KIFAP3: variants seen among roughly 807,000 people sequenced by gnomAD.
KIFAP3 encodes the protein kinesin-associated protein 3.
In KIFAP3, 68 loss-of-function variants were observed where a neutral mutation model predicts 106.5. That is an observed-to-expected ratio of 0.64 (90% CI 0.53 to 0.78). The LOEUF (loss-of-function observed/expected upper bound fraction) is 0.78. Among genes scored for constraint, KIFAP3 ranks in the 30% least tolerant of loss-of-function variants. KIFAP3 has a pLI of 0.00. For synonymous variants in KIFAP3, 320 were observed against 311.5 expected, an observed-to-expected ratio of 1.03 and a Z score of -0.29; for missense variants, 780 against 941.8, an observed-to-expected ratio of 0.83 and a Z score of 2.25.
chr1:170,062,310 G>GCCAC (rs1382065672), intron 1 of KIFAP3, among the ~76,000 whole-genome samples: 1 of 146,712 alleles, frequency 6.8e-6, no homozygotes, highest in East Asian at 2.0e-4. Context: ...TGCCACTGTT[G>GCCAC]CTTAACACCT....
rs1267398461 is a variant in KIFAP3, at chr1:169,992,229, T to C, written c.1210A>G (p.Met404Val). Residue 404 changes from methionine (M) to valine (V), a missense_variant, in exon 11 of 20, where the codon ATG becomes GTG. Physicochemically the swap from Met to Val is conservative, Grantham distance 21. This residue lies in a region of KIFAP3 where 588 missense variants were observed against 678.9 expected (regional missense o/e 0.87). Transcript: ENST00000361580. The stretch of plus-strand genomic sequence containing the variant: ...ATGCTTATGTGGTAAAGAACACACA[T>C]TGCTATTTGTTTGTAGTTGTCATTG... ...LGNDNYKQIA[M>V]CVLYHISMDD... 1.9e-6 allele frequency: 3 copies of C among 1,578,430 alleles called. No individual in the cohort carries two copies. Among genetic ancestry groups the C allele is most frequent in the Admixed American group, 1.8e-5 (1 of 54,802 alleles).
intron 19 of KIFAP3, 54 bp from the exon 20 acceptor site, chr1:169,921,835 T>C: frequency 7.5e-7 from 1 of 1,326,644 alleles, no homozygotes; most frequent in Non-Finnish European, 1.1e-6. Flanking sequence ...ACATCCACAA[T>C]GCAGATTAAG....
intron 11 of KIFAP3, among the ~76,000 whole-genome samples, 195 bp downstream of exon 11, chr1:169,991,960 A>T (rs1006583172): frequency 1.3e-5 from 2 of 152,044 alleles, no homozygotes; most frequent in African/African-American, 4.8e-5. Flanking sequence ...TTAAATAGTT[A>T]TCTCTAAGTT....
chr1:170,004,909 A>C (rs918515777), intron 10 of KIFAP3, among the ~76,000 whole-genome samples: 1 of 151,908 alleles, frequency 6.6e-6, no homozygotes, highest in Non-Finnish European at 1.5e-5. Context: ...CTACCATCAG[A>C]GTGAACAGGC....
intron 17 of KIFAP3, among the ~76,000 whole-genome samples, chr1:169,972,117 A>G (rs1487501614): frequency 1.3e-5 from 2 of 152,036 alleles, no homozygotes; most frequent in Non-Finnish European, 2.9e-5. Context: ...AAATAAAACT[A>G]TCAATTAAGT....
chr1:170,035,591 C>T, intron 5 of KIFAP3, 38 bp from the exon 6 acceptor site: 1 of 1,307,556 alleles, frequency 7.6e-7, no homozygotes, highest in Non-Finnish European at 1.1e-6. Flanking sequence ...GATCATTCTC[C>T]TTGCTCTGGT....
At position 169,978,181 on chromosome 1, in the gene KIFAP3, G is replaced by A; in HGVS notation, c.1801C>T (p.Gln601Ter). The A allele has an allele frequency of 1.2e-6, 2 of 1,604,160 alleles. No homozygotes were observed. Among genetic ancestry groups the A allele is most frequent in the Non-Finnish European group, 1.7e-6 (2 of 1,171,970 alleles). ...CACACAAATTCATCATCTTCTTGTT[G>A]AGCTGTAAATAAACAAAAAATTCAA... ...IPALIELLNA[Q>*]QEDDEFVCQI... Residue 601 changes from glutamine (Q) to a stop codon, truncating the protein, a stop_gained and splice_region_variant, in exon 16 of 20, where the codon CAA (glutamine) becomes TAA (stop). Coordinates refer to ENST00000361580, the MANE Select transcript of KIFAP3 (RefSeq NM_014970.4). LOFTEE classifies it high-confidence loss of function.
At chr1:170,073,477 G>C (rs1671791268) in intron 1 of KIFAP3, among the ~76,000 whole-genome samples, 1 of 152,198 alleles carries the variant, frequency 6.6e-6, no homozygotes, top group South Asian at 2.1e-4. Context: ...CACTGCAAGT[G>C]TATTATGACT....
chr1:170,021,156 A>G (rs1482494975), intron 9 of KIFAP3, among the ~76,000 whole-genome samples: 2 of 152,184 alleles, frequency 1.3e-5, no homozygotes, highest in Admixed American at 1.3e-4. Flanking sequence ...ACTACGCAAC[A>G]TATATCCTCT....
At chr1:170,041,851 G>T (rs1453054696) in intron 3 of KIFAP3, 3 of 1,418,740 alleles carry the variant, frequency 2.1e-6, no homozygotes, top group Non-Finnish European at 2.8e-6. Flanking sequence ...CTGTAAAAAG[G>T]GCCCTGTTTA....
At chr1:170,030,831 T>G (rs190980316) in intron 8 of KIFAP3, among the ~76,000 whole-genome samples, 13 of 151,842 alleles carry the variant, frequency 8.6e-5, no homozygotes, top group African/African-American at 2.9e-4. Flanking sequence ...TAAAGATGCA[T>G]GAGGAAATTT....
intron 18 of KIFAP3, among the ~76,000 whole-genome samples, chr1:169,958,397 T>G (rs932038274): frequency 2.6e-5 from 4 of 152,218 alleles, no homozygotes; most frequent in Admixed American, 6.5e-5. Flanking sequence ...CGACCTCTTT[T>G]TATTTCTTAA....
chr1:170,068,972 A>G (rs1483620206), intron 1 of KIFAP3: 1 of 152,060 alleles, frequency 6.6e-6, no homozygotes, highest in Non-Finnish European at 1.5e-5. Context: ...ACATTTTTGG[A>G]AAACTTTTAG....
intron 3 of KIFAP3, chr1:170,041,792 C>T (rs961856154): frequency 2.0e-6 from 3 of 1,523,090 alleles, no homozygotes; most frequent in African/African-American, 1.4e-5. Context: ...CTGTTGGCCT[C>T]CTTAAAGGTC....
intron 10 of KIFAP3, among the ~76,000 whole-genome samples, chr1:169,998,904 T>C (rs1667522801): frequency 6.6e-6 from 1 of 152,140 alleles, no homozygotes; most frequent in Non-Finnish European, 1.5e-5. Flanking sequence ...CTAGCAGATA[T>C]CTGGAACCTA....
intron 19 of KIFAP3, among the ~76,000 whole-genome samples, chr1:169,924,415 A>C (rs895600331): frequency 6.6e-6 from 1 of 152,250 alleles, no homozygotes; most frequent in Non-Finnish European, 1.5e-5. Flanking sequence ...ATTTGAAACC[A>C]AACTCTAAAA....
chr1:170,076,106 C>G (rs982699178), upstream of KIFAP3, among the ~76,000 whole-genome samples: 1 of 152,088 alleles, frequency 6.6e-6, no homozygotes, highest in African/African-American at 2.4e-5. Context: ...TAAGTTAGCT[C>G]CTTGAGCTCA....
At chr1:170,027,323 T>C (rs1669168743) in intron 8 of KIFAP3, among the ~76,000 whole-genome samples, 1 of 152,140 alleles carries the variant, frequency 6.6e-6, no homozygotes, top group East Asian at 1.9e-4. Context: ...CCTGACCCTG[T>C]CTTGCTTCTA....
upstream of KIFAP3, among the ~76,000 whole-genome samples, chr1:170,075,751 C>T (rs1451473764): frequency 1.3e-5 from 2 of 152,148 alleles, no homozygotes; most frequent in African/African-American, 4.8e-5. Flanking sequence ...ATTTTGACTC[C>T]TTCCTCTGTA....
Sources: allele counts gnomAD v4.1 joint callset (sites outside exome capture counted in the v4.1 genomes callset), GRCh38; gene constraint gnomAD v4.1.1; regional missense constraint gnomAD v4.1.1; transcripts MANE v1.5; gene names NCBI Gene and HGNC (gene_info 2026-07-23, HGNC 2026-07-21).